Variants in GRID2 observed in about 807,000 individuals in gnomAD.
GRID2 encodes glutamate receptor ionotropic, delta-2.
Under a neutral mutation model 114.8 loss-of-function variants are expected in GRID2, and 33 were observed. The ratio of observed to expected loss-of-function variants is 0.29; its 90% CI spans 0.22 to 0.38. The LOEUF is 0.38. GRID2 is among the 10% of genes least tolerant of loss of function. The pLI, the probability that GRID2 is intolerant of heterozygous loss-of-function variation, is 1.00. For synonymous variants in GRID2, 505 were observed against 449.9 expected, an observed-to-expected ratio of 1.12 and a Z score of -1.55; for missense variants, 1,184 against 1,257.7, an observed-to-expected ratio of 0.94 and a Z score of 0.89.
At chr4:93,081,504 C>T (rs1729866811) in intron 2 of GRID2, among the ~76,000 whole-genome samples, 1 of 152,070 alleles carries the variant, frequency 6.6e-6, no homozygotes, top group South Asian at 2.1e-4. Flanking sequence ...GTTGCAATTG[C>T]TATTAAAAAT....
At chr4:92,569,494 G>A (rs13116623) in intron 1 of GRID2, among the ~76,000 whole-genome samples, 31,934 of 152,038 alleles carry the variant, frequency 0.21, 3,753 homozygotes, top group South Asian at 0.29. Context: ...ACCCAGTAGT[G>A]AGAGTGTTGG....
chr4:93,093,273 C>A (rs953722156), intron 3 of GRID2, among the ~76,000 whole-genome samples: 1 of 152,002 alleles, frequency 6.6e-6, no homozygotes, highest in Non-Finnish European at 1.5e-5. Context: ...AAGCTAATAG[C>A]TGCTTTTCAA....
intron 2 of GRID2, among the ~76,000 whole-genome samples, chr4:92,853,197 AC>A (rs139033804): frequency 0.01 from 1,570 of 152,120 alleles, 18 homozygotes; most frequent in Non-Finnish European, 0.017. Context: ...CACGACCATC[AC>A]AAAGTATCAG....
intron 14 of GRID2, among the ~76,000 whole-genome samples, chr4:93,738,958 A>G (rs1237411212): frequency 6.6e-6 from 1 of 151,746 alleles, no homozygotes; most frequent in Non-Finnish European, 1.5e-5. Context: ...GTTTTAATAA[A>G]TCGACTCCCA....
intron 4 of GRID2, among the ~76,000 whole-genome samples, chr4:93,181,198 A>T (rs1014383972): frequency 1.3e-5 from 2 of 152,208 alleles, no homozygotes; most frequent in African/African-American, 4.8e-5. Flanking sequence ...ATCTCCTTGT[A>T]CATCTCCATC....
chr4:93,656,967 T>G (rs551385843), intron 14 of GRID2, among the ~76,000 whole-genome samples: 1 of 152,132 alleles, frequency 6.6e-6, no homozygotes, highest in Non-Finnish European at 1.5e-5. Flanking sequence ...TGAGTTTGTT[T>G]TTTCAGGTAG....
intron 4 of GRID2, among the ~76,000 whole-genome samples, chr4:93,181,112 CTTAAAAG>C (rs1739854616): frequency 6.6e-6 from 1 of 152,096 alleles, no homozygotes; most frequent in Admixed American, 6.6e-5. Context: ...GGTGATAAGA[CTTAAAAG>C]TTAAAATTAC....
At chr4:93,030,447 C>A (rs1840716) in intron 2 of GRID2, among the ~76,000 whole-genome samples, 1 of 150,194 alleles carries the variant, frequency 6.7e-6, no homozygotes, top group African/African-American at 2.5e-5. Context: ...TGCCATGGCT[C>A]AATCTCAGCT....
chr4:93,228,713 A>T (rs1190770854), intron 7 of GRID2, among the ~76,000 whole-genome samples: 1 of 152,166 alleles, frequency 6.6e-6, no homozygotes, highest in Non-Finnish European at 1.5e-5. Flanking sequence ...AGGTTGTTGA[A>T]CATGATTCTA....
At chr4:92,553,796 A>C (rs1213781078) in intron 1 of GRID2, among the ~76,000 whole-genome samples, 1 of 152,066 alleles carries the variant, frequency 6.6e-6, no homozygotes, top group East Asian at 1.9e-4. Flanking sequence ...GACTACAGGC[A>C]TGTGCTACCA....
At chr4:92,924,927 G>A (rs1038875069) in intron 2 of GRID2, among the ~76,000 whole-genome samples, 1 of 151,996 alleles carries the variant, frequency 6.6e-6, no homozygotes, top group Non-Finnish European at 1.5e-5. Flanking sequence ...TTCTGTTTCT[G>A]ACCTGCTTTT....
At chr4:92,806,659 A>G (rs994170568) in intron 2 of GRID2, among the ~76,000 whole-genome samples, 1 of 151,942 alleles carries the variant, frequency 6.6e-6, no homozygotes, top group Non-Finnish European at 1.5e-5. Flanking sequence ...AGATATTAAT[A>G]ATTATTATTT....
intron 1 of GRID2, among the ~76,000 whole-genome samples, chr4:93,788,552 A>C (rs1266750490): frequency 6.6e-6 from 1 of 152,170 alleles, no homozygotes; most frequent in Non-Finnish European, 1.5e-5. Flanking sequence ...GCATATGTGT[A>C]ATGCAATTTT....
intron 1 of GRID2, among the ~76,000 whole-genome samples, chr4:93,786,718 G>C (rs772278446): frequency 3.9e-5 from 6 of 152,194 alleles, no homozygotes; most frequent in Non-Finnish European, 7.4e-5. Flanking sequence ...AAGCTATCTA[G>C]AGCAACATGG....
chr4:93,453,811 T>A (rs977131900), intron 10 of GRID2, among the ~76,000 whole-genome samples: 1 of 152,108 alleles, frequency 6.6e-6, no homozygotes, highest in Non-Finnish European at 1.5e-5. Flanking sequence ...TAGTGATCAA[T>A]TAGTAAATTA....
chr4:93,094,468 C>T (rs1186130848), intron 3 of GRID2, among the ~76,000 whole-genome samples: 1 of 151,822 alleles, frequency 6.6e-6, no homozygotes, highest in African/African-American at 2.4e-5. Flanking sequence ...GCACTCAGTC[C>T]AGTATTCTCT....
intron 2 of GRID2, among the ~76,000 whole-genome samples, chr4:92,712,793 G>A (rs1192497454): frequency 6.6e-6 from 1 of 151,966 alleles, no homozygotes; most frequent in Non-Finnish European, 1.5e-5. Flanking sequence ...TTAGGTAAAT[G>A]TATACAAATA....
At chr4:92,475,862 G>A (rs1337591647) in intron 1 of GRID2, among the ~76,000 whole-genome samples, 2 of 150,918 alleles carry the variant, frequency 1.3e-5, no homozygotes, top group African/African-American at 2.4e-5. Context: ...TATAGTTTTC[G>A]GTTTACAGAT....
At chr4:92,594,830 AC>A (rs1469718879) in intron 2 of GRID2, among the ~76,000 whole-genome samples, 5 of 151,988 alleles carry the variant, frequency 3.3e-5, no homozygotes, top group Non-Finnish European at 7.4e-5. Context: ...TTTGTGAAAA[AC>A]ACTGCTGTCG....
Sources: gnomAD v4.1 joint callset for allele counts (sites outside exome capture counted in the v4.1 genomes callset) on GRCh38, gnomAD v4.1.1 for gene constraint, MANE v1.5 for transcripts, NCBI Gene and HGNC (gene_info 2026-07-23, HGNC 2026-07-21) for gene names.